Variants in ERGIC1 observed in about 807,000 individuals in gnomAD.
The protein encoded by ERGIC1 is endoplasmic reticulum-Golgi intermediate compartment protein 1.
A neutral mutation model predicts 38.3 loss-of-function variants in ERGIC1; 19 were observed. That is an observed-to-expected ratio of 0.50 (90% CI 0.35 to 0.73). ERGIC1 has a LOEUF of 0.73. Ranked by LOEUF, ERGIC1 falls within the 30% of genes least tolerant of loss-of-function variation. The pLI, the probability that ERGIC1 is intolerant of heterozygous loss-of-function variation, is 0.01. For synonymous variants in ERGIC1, 124 were observed against 157.6 expected (o/e 0.79, Z 1.60); for missense variants, 294 against 389.2 (o/e 0.76, Z 2.06).
chr5:172,854,785 C>G (rs1761503675), intron 1 of ERGIC1, among the ~76,000 whole-genome samples: 2 of 152,252 alleles, frequency 1.3e-5, no homozygotes, highest in Admixed American at 6.5e-5. Flanking sequence ...ATGTACAGCT[C>G]ACATGTATTT....
At chr5:172,853,304 C>G (rs574625419) in intron 1 of ERGIC1, among the ~76,000 whole-genome samples, 14 of 152,296 alleles carry the variant, frequency 9.2e-5, no homozygotes, top group African/African-American at 2.9e-4. Context: ...ATTGCGGCCC[C>G]CATCGTGCTG....
chr5:172,904,259 A>C (rs1762963363), intron 3 of ERGIC1, among the ~76,000 whole-genome samples: 1 of 152,166 alleles, frequency 6.6e-6, no homozygotes, highest in African/African-American at 2.4e-5. Context: ...CGTAACCATC[A>C]CTCTGATGAA....
At chr5:172,918,004 A>C (rs1763414669) in intron 5 of ERGIC1, 1 of 152,234 alleles carries the variant, frequency 6.6e-6, no homozygotes, top group African/African-American at 2.4e-5. Flanking sequence ...TACCTACAAA[A>C]AAATACAAAA....
intron 3 of ERGIC1, among the ~76,000 whole-genome samples, chr5:172,903,588 A>G (rs1762940586): frequency 6.6e-6 from 1 of 152,174 alleles, no homozygotes; most frequent in South Asian, 2.1e-4. Flanking sequence ...TAGTACCCTT[A>G]TTAAACACTG....
intron 9 of ERGIC1, among the ~76,000 whole-genome samples, chr5:172,942,678 C>G (rs968798183): frequency 6.6e-6 from 1 of 152,184 alleles, no homozygotes; most frequent in Non-Finnish European, 1.5e-5. Context: ...TGAACTAGAT[C>G]TTCAAGAAGG....
At chr5:172,887,244 C>T (rs1009234620) in intron 1 of ERGIC1, among the ~76,000 whole-genome samples, 5 of 152,152 alleles carry the variant, frequency 3.3e-5, no homozygotes, top group East Asian at 1.9e-4. Context: ...GGGCTGGAGC[C>T]GCCGGCCTCT....
intron 3 of ERGIC1, among the ~76,000 whole-genome samples, chr5:172,901,109 G>A (rs1394331308): frequency 6.6e-6 from 1 of 152,230 alleles, no homozygotes; most frequent in African/African-American, 2.4e-5. Flanking sequence ...CCACAGTGGG[G>A]TCAGTGCCCC....
chr5:172,883,788 C>T (rs1358210371), intron 1 of ERGIC1, among the ~76,000 whole-genome samples: 2 of 152,156 alleles, frequency 1.3e-5, no homozygotes, highest in Admixed American at 1.3e-4. Context: ...TGAAGACCAG[C>T]CTGGGCAACA....
chr5:172,859,583 CAG>C (rs1333087204), intron 1 of ERGIC1, among the ~76,000 whole-genome samples: 1 of 152,230 alleles, frequency 6.6e-6, no homozygotes, highest in Admixed American at 6.5e-5. Context: ...AACTGGGGCT[CAG>C]AGAGCTGCCG....
chr5:172,841,640 C>T (rs766198018), intron 1 of ERGIC1, among the ~76,000 whole-genome samples: 13 of 152,332 alleles, frequency 8.5e-5, no homozygotes, highest in Non-Finnish European at 1.9e-4. Context: ...GTGATAGCCC[C>T]TCCATGCATT....
intron 1 of ERGIC1, among the ~76,000 whole-genome samples, chr5:172,872,366 A>G (rs1045366647): frequency 3.3e-5 from 5 of 152,220 alleles, no homozygotes; most frequent in African/African-American, 1.2e-4. Flanking sequence ...ATCAGATGAG[A>G]CAATATGAGT....
At position 172,871,502 on chromosome 5, in the gene ERGIC1, C is replaced by T. The variant is rs146434240; in HGVS notation, c.21-17197C>T. ...TTCCTTAACCTGTTTTATTTTTCTT[C>T]ATAACGCTTATCAGCACTGACATAT... On this transcript the variant is annotated intron_variant, in intron 1 of 9. Transcript: ENST00000393784. Among the ~76,000 whole-genome samples, 210 of 152,354 alleles carry T rather than the reference C, an allele frequency of 1.4e-3. 1 individual carries two copies. Among genetic ancestry groups the T allele is most frequent in the Middle Eastern group, 6.8e-3 (2 of 294 alleles).
At chr5:172,854,640 A>G (rs1388284723) in intron 1 of ERGIC1, among the ~76,000 whole-genome samples, 1 of 152,158 alleles carries the variant, frequency 6.6e-6, no homozygotes, top group Admixed American at 6.5e-5. Flanking sequence ...CTGCGATGGG[A>G]GGGCGTGCTG....
chr5:172,949,864 G>A (rs1009100103), intron 9 of ERGIC1, among the ~76,000 whole-genome samples: 1 of 152,140 alleles, frequency 6.6e-6, no homozygotes, highest in African/African-American at 2.4e-5. Flanking sequence ...AGGAGATCAA[G>A]ACCATCCTGG....
At chr5:172,857,540 C>T (rs777798204) in intron 1 of ERGIC1, among the ~76,000 whole-genome samples, 6 of 152,214 alleles carry the variant, frequency 3.9e-5, no homozygotes, top group Admixed American at 6.5e-5. Context: ...GGTCCTTCAC[C>T]GCCCTGGGAC....
intron 2 of ERGIC1, among the ~76,000 whole-genome samples, chr5:172,892,287 G>A (rs1581547248): frequency 6.6e-6 from 1 of 152,194 alleles, no homozygotes; most frequent in South Asian, 2.1e-4. Flanking sequence ...CCCTGGGACT[G>A]TGCTGATGAA....
intron 9 of ERGIC1, among the ~76,000 whole-genome samples, chr5:172,947,876 TTGTGTGTGTGTGTGTG>T (rs10566172): frequency 2.1e-4 from 31 of 145,728 alleles, no homozygotes; most frequent in Non-Finnish European, 1.2e-4. Flanking sequence ...CAGATGTGTT[TTGTGTGTGTGTGTGTG>T]TGTGTGTGTG....
chr5:172,939,340 A>C (rs1430317596), intron 9 of ERGIC1, among the ~76,000 whole-genome samples: 4 of 152,200 alleles, frequency 2.6e-5, no homozygotes, highest in Non-Finnish European at 5.9e-5. Flanking sequence ...AGCTCTAAGA[A>C]TAGAACCCTG....
chr5:172,866,033 A>T (rs557177667), intron 1 of ERGIC1, among the ~76,000 whole-genome samples: 30 of 152,318 alleles, frequency 2.0e-4, no homozygotes, highest in Admixed American at 3.3e-4. Context: ...AAGTTGGTAA[A>T]TTTGTACTAC....
Sources: allele counts gnomAD v4.1 joint callset (sites outside exome capture counted in the v4.1 genomes callset), GRCh38; gene constraint gnomAD v4.1.1; transcripts MANE v1.5; gene names NCBI Gene and HGNC (gene_info 2026-07-23, HGNC 2026-07-21).